The following GPM6B variants were observed in gnomAD, a reference collection of about 807,000 sequenced individuals.
The protein encoded by GPM6B is neuronal membrane glycoprotein M6-b.
A neutral mutation model predicts 27.2 loss-of-function variants in GPM6B; 4 were observed. The ratio of observed to expected loss-of-function variants is 0.15; its 90% CI spans 0.07 to 0.34. The LOEUF (loss-of-function observed/expected upper bound fraction) is 0.34. Among genes scored for constraint, GPM6B ranks in the 10% least tolerant of loss-of-function variants. The pLI is 1.00. For synonymous variants in GPM6B, 124 were observed against 103.1 expected (o/e 1.20, Z -1.23); for missense variants, 183 against 261.9 (o/e 0.70, Z 2.08).
intron 1 of GPM6B, among the ~76,000 whole-genome samples, chrX:13,910,786 G>A (rs1233416415): frequency 8.9e-6 from 1 of 112,271 alleles, no homozygotes; most frequent in Non-Finnish European, 1.9e-5. Context: ...TTTCTAAAGG[G>A]GATTAATTTA....
intron 4 of GPM6B, among the ~76,000 whole-genome samples, chrX:13,782,778 A>AG (rs1029385556): frequency 2.7e-5 from 3 of 109,130 alleles, no homozygotes; most frequent in African/African-American, 6.7e-5. Flanking sequence ...AAAAAAGAAA[A>AG]AAAAAAAAAT....
At chrX:13,851,755 C>T (rs1399085615) in intron 1 of GPM6B, among the ~76,000 whole-genome samples, 1 of 110,848 alleles carries the variant, frequency 9.0e-6, no homozygotes, top group Non-Finnish European at 1.9e-5. Context: ...TCTTCAAAGA[C>T]AACATTTAGC....
chrX:13,823,343 C>T (rs2049332880), intron 1 of GPM6B, among the ~76,000 whole-genome samples: 1 of 112,072 alleles, frequency 8.9e-6, no homozygotes, highest in Non-Finnish European at 1.9e-5. Context: ...AATGAGCACA[C>T]ATGGAACCTC....
rs185680780 is a variant in GPM6B at position 13,850,952 on chromosome X, T to C, written c.-197-65144A>G. ...GCCAAGGTGGGCAAATCACTTGAGG[T>C]CAGGAGTTCAAGACCAGCCTGGCCA... On this transcript the variant is annotated intron_variant, in intron 1 of 6. Coordinates refer to the GPM6B transcript ENST00000398361. Among the ~76,000 whole-genome samples the C allele has an allele frequency of 3.6e-5, 4 of 110,253 alleles. No individual in the cohort carries two copies. The East Asian group carries it at 1.1e-3, about 31-fold the overall frequency.
intron 1 of GPM6B, among the ~76,000 whole-genome samples, chrX:13,822,442 T>C (rs1363632759): frequency 9.0e-6 from 1 of 111,005 alleles, no homozygotes; most frequent in African/African-American, 3.3e-5. Context: ...CTCGGCTCAC[T>C]GTAACCTCTG....
At chrX:13,805,469 C>T (rs898078253) in intron 2 of GPM6B, among the ~76,000 whole-genome samples, 3 of 111,973 alleles carry the variant, frequency 2.7e-5, no homozygotes, top group Non-Finnish European at 5.6e-5. Flanking sequence ...TGGTATCATG[C>T]AGTACATGAT....
chrX:13,828,372 G>A (rs1011929487), intron 1 of GPM6B, among the ~76,000 whole-genome samples: 2 of 111,023 alleles, frequency 1.8e-5, no homozygotes, highest in African/African-American at 3.3e-5. Context: ...AGCACACTCA[G>A]CCCCCTTGCC....
intron 1 of GPM6B, among the ~76,000 whole-genome samples, chrX:13,833,693 C>T (rs2049466244): frequency 9.0e-6 from 1 of 111,646 alleles, no homozygotes; most frequent in Non-Finnish European, 1.9e-5. Flanking sequence ...CACTATTGCA[C>T]TCCAGCCTGG....
intron 1 of GPM6B, among the ~76,000 whole-genome samples, chrX:13,881,286 G>C (rs543892486): frequency 3.6e-5 from 4 of 112,220 alleles, no homozygotes; most frequent in African/African-American, 1.3e-4. Context: ...AAGGTGGGAG[G>C]ACTGCTTTAG....
Position 13,865,664 on chromosome X carries a change from G to A in GPM6B, c.-198+72663C>T, listed in dbSNP as rs1044449764. On this transcript the variant is annotated intron_variant, in intron 1 of 6. Coordinates refer to the GPM6B transcript ENST00000398361. ...CCCAGCTACTCAGGAGGCTGAGGCAGGAGGATCACTTGAGTCCAAGAGGTC... is the reference window on the plus strand; with the variant it reads ...CCCAGCTACTCAGGAGGCTGAGGCAAGAGGATCACTTGAGTCCAAGAGGTC... 3.7e-5 allele frequency among the ~76,000 whole-genome samples: 4 copies of A among 107,859 alleles called. No homozygotes were observed. The Admixed American group carries it at 4.0e-4, about 11-fold the overall frequency. The allele number at this position is 107,859 out of a possible 115,157, so 93.7% of individuals were successfully genotyped here. A position where few individuals can be genotyped will look rare whatever the true frequency, so the allele number is the denominator to read the frequency against.
chrX:13,901,036 A>G (rs1305305559), intron 1 of GPM6B, among the ~76,000 whole-genome samples: 1 of 112,121 alleles, frequency 8.9e-6, no homozygotes, highest in Non-Finnish European at 1.9e-5. Flanking sequence ...CTCATTTATA[A>G]GATTGTTTTG....
chrX:13,824,428 T>C (rs2049347789), intron 1 of GPM6B, among the ~76,000 whole-genome samples: 1 of 111,079 alleles, frequency 9.0e-6, no homozygotes, highest in Admixed American at 9.5e-5. Flanking sequence ...ACAGATGGGG[T>C]TGTGTGGTGG....
intron 1 of GPM6B, among the ~76,000 whole-genome samples, chrX:13,827,799 A>C (rs2049393790): frequency 8.9e-6 from 1 of 112,356 alleles, no homozygotes; most frequent in Admixed American, 9.4e-5. Context: ...GATAAAGATG[A>C]CGTGACTTCT....
chrX:13,802,799 A>T (rs926176645), intron 2 of GPM6B, among the ~76,000 whole-genome samples: 1 of 111,668 alleles, frequency 9.0e-6, no homozygotes, highest in African/African-American at 3.3e-5. Flanking sequence ...ATCTTGAGTA[A>T]CTGGAAGGCA....
chrX:13,887,831 C>T (rs1603113853), intron 1 of GPM6B, among the ~76,000 whole-genome samples: 1 of 111,724 alleles, frequency 9.0e-6, no homozygotes, highest in Non-Finnish European at 1.9e-5. Flanking sequence ...AGAGAGCAGT[C>T]GCTTGCAAAG....
At chrX:13,776,358 C>T (rs2048412797) in intron 6 of GPM6B, 55 bp from the exon 7 acceptor site, 1 of 972,060 alleles carries the variant, frequency 1.0e-6, no homozygotes, top group East Asian at 3.1e-5. Flanking sequence ...AAATGGCCTA[C>T]ACTCATTGTG....
At chrX:13,879,426 A>T (rs772842626) in intron 1 of GPM6B, among the ~76,000 whole-genome samples, 1 of 112,197 alleles carries the variant, frequency 8.9e-6, no homozygotes, top group Non-Finnish European at 1.9e-5. Flanking sequence ...ACTTTCTATC[A>T]GGACAGCCAG....
upstream of GPM6B, chrX:13,817,200 A>G: frequency 5.0e-6 from 4 of 802,230 alleles, no homozygotes; most frequent in Non-Finnish European, 6.0e-6. Context: ...TACAGTCTCA[A>G]TGCGGCTCCA....
intron 1 of GPM6B, among the ~76,000 whole-genome samples, chrX:13,824,061 A>C (rs1367084510): frequency 8.9e-6 from 1 of 111,961 alleles, no homozygotes; most frequent in Non-Finnish European, 1.9e-5. Context: ...CTCTTAAATC[A>C]GGATTGCTCC....
Sources: allele counts gnomAD v4.1 joint callset (sites outside exome capture counted in the v4.1 genomes callset), GRCh38; gene constraint gnomAD v4.1.1; transcripts MANE v1.5; gene names NCBI Gene and HGNC (gene_info 2026-07-23, HGNC 2026-07-21).